The following SPAG16 variants were observed in gnomAD, a reference collection of about 807,000 sequenced individuals.
SPAG16 encodes the protein sperm associated antigen 16, also known as sperm-associated antigen 16 protein.
Under a neutral mutation model 80.4 loss-of-function variants are expected in SPAG16, and 86 were observed. The ratio of observed to expected loss-of-function variants is 1.07; its 90% CI spans 0.90 to 1.28. The LOEUF (loss-of-function observed/expected upper bound fraction) is 1.28, where lower values mean the gene tolerates loss of function less well. Ranked by LOEUF, SPAG16 falls within the 50% of genes most tolerant of loss-of-function variation. The probability of loss-of-function intolerance (pLI) is 0.00; values close to 1 mark genes in which losing one functional copy is unlikely to be tolerated. For synonymous variants in SPAG16, 294 were observed against 265.9 expected (o/e 1.11, Z -1.03); for missense variants, 870 against 765.3 (o/e 1.14, Z -1.61).
chr2:213,365,935 G>A (rs1447465856), intron 8 of SPAG16, among the ~76,000 whole-genome samples: 1 of 150,526 alleles, frequency 6.6e-6, no homozygotes, highest in Non-Finnish European at 1.5e-5. Flanking sequence ...GAGGTCAGGA[G>A]ATCGAGACCA....
At chr2:213,617,616 C>T (rs908675648) in intron 10 of SPAG16, among the ~76,000 whole-genome samples, 5 of 152,160 alleles carry the variant, frequency 3.3e-5, no homozygotes, top group Admixed American at 6.5e-5. Flanking sequence ...GCTGAGATTA[C>T]AGGCGTGAGC....
chr2:213,813,837 CA>C (rs750507525), intron 10 of SPAG16, among the ~76,000 whole-genome samples: 1 of 152,132 alleles, frequency 6.6e-6, no homozygotes, highest in Non-Finnish European at 1.5e-5. Flanking sequence ...GCACCCACAA[CA>C]CACACACATC....
At chr2:213,965,418 T>C (rs1305506988) in intron 12 of SPAG16, among the ~76,000 whole-genome samples, 1 of 152,214 alleles carries the variant, frequency 6.6e-6, no homozygotes, top group Non-Finnish European at 1.5e-5. Flanking sequence ...ACTCAGCTAT[T>C]AGACTCCATT....
intron 10 of SPAG16, among the ~76,000 whole-genome samples, chr2:213,658,241 T>C (rs1193329700): frequency 6.6e-6 from 1 of 152,084 alleles, no homozygotes; most frequent in Non-Finnish European, 1.5e-5. Flanking sequence ...GCTGGTGTGC[T>C]CCACTTTTTG....
intron 15 of SPAG16, among the ~76,000 whole-genome samples, chr2:214,250,757 T>TATATATAG (rs1475343777): frequency 9.9e-5 from 9 of 91,280 alleles, no homozygotes; most frequent in South Asian, 4.5e-4. Flanking sequence ...TATATATATA[T>TATATATAG]AGAGAGAGAG....
intron 13 of SPAG16, among the ~76,000 whole-genome samples, chr2:214,105,730 T>A (rs2053348735): frequency 6.6e-6 from 1 of 152,172 alleles, no homozygotes; most frequent in African/African-American, 2.4e-5. Flanking sequence ...AAGAAGAGAT[T>A]CCAAATTTTA....
intron 9 of SPAG16, among the ~76,000 whole-genome samples, chr2:213,477,463 A>G (rs542538366): frequency 2.0e-5 from 3 of 152,346 alleles, no homozygotes; most frequent in African/African-American, 7.2e-5. Context: ...AGCCAGAGGA[A>G]TGGAGCTGCC....
At chr2:213,300,023 A>AT (rs2062670676) in intron 3 of SPAG16, among the ~76,000 whole-genome samples, 2 of 152,136 alleles carry the variant, frequency 1.3e-5, no homozygotes, top group South Asian at 4.2e-4. Flanking sequence ...TATTTTTGCC[A>AT]TTTTTTTGGA....
chr2:213,627,345 A>T (rs191253993), intron 10 of SPAG16, among the ~76,000 whole-genome samples: 29 of 152,354 alleles, frequency 1.9e-4, no homozygotes, highest in African/African-American at 6.7e-4. Context: ...ATTGCTAAGA[A>T]TCTGAAATCT....
chr2:213,909,573 C>T (rs929023894), intron 11 of SPAG16, among the ~76,000 whole-genome samples: 3 of 151,882 alleles, frequency 2.0e-5, no homozygotes, highest in African/African-American at 7.3e-5. Context: ...AATAACGCCG[C>T]ATATCTACAA....
At chr2:213,477,061 C>T (rs981805627) in intron 9 of SPAG16, among the ~76,000 whole-genome samples, 1 of 151,908 alleles carries the variant, frequency 6.6e-6, no homozygotes, top group Non-Finnish European at 1.5e-5. Context: ...GCTGATTGGT[C>T]CATGGGTGGG....
At chr2:213,904,617 A>C (rs967577732) in intron 11 of SPAG16, among the ~76,000 whole-genome samples, 2 of 151,256 alleles carry the variant, frequency 1.3e-5, no homozygotes, top group African/African-American at 2.4e-5. Flanking sequence ...AAAAAAAAAA[A>C]AAAACAAAGT....
chr2:213,932,587 T>G (rs1000601307), intron 12 of SPAG16, among the ~76,000 whole-genome samples: 2 of 152,162 alleles, frequency 1.3e-5, no homozygotes, highest in African/African-American at 2.4e-5. Flanking sequence ...GAATACATTC[T>G]TCTCTTTTCA....
chr2:213,874,283 G>A lies in SPAG16; in HGVS notation c.1214+11655G>A, dbSNP rs181586403. Among the ~76,000 whole-genome samples, 362 of 152,126 alleles carry A rather than the reference G, an allele frequency of 2.4e-3. 1 individual carries two copies. The highest frequency in any genetic ancestry group is 7.8e-3 in the African/African-American group (325 of 41,492). On this transcript the variant is annotated intron_variant, in intron 11 of 15. Coordinates refer to ENST00000331683, the MANE Select transcript of SPAG16 (RefSeq NM_024532.5). ...CAATAATAAATCAACCTTAGCTTAC[G>A]TAACCTTTTACTTTATAAACTATTT...
intron 12 of SPAG16, among the ~76,000 whole-genome samples, chr2:213,952,628 G>A (rs1261424083): frequency 1.3e-5 from 2 of 152,032 alleles, no homozygotes; most frequent in African/African-American, 4.8e-5. Flanking sequence ...ATTAAAGATA[G>A]GCTCTGGAAT....
intron 10 of SPAG16, among the ~76,000 whole-genome samples, chr2:213,591,945 C>T (rs2060707564): frequency 6.6e-6 from 1 of 152,142 alleles, no homozygotes; most frequent in Non-Finnish European, 1.5e-5. Context: ...CAGAAATAAA[C>T]ATGGAAGCTC....
chr2:213,818,352 T>C (rs1014774048), intron 10 of SPAG16, among the ~76,000 whole-genome samples: 3 of 152,174 alleles, frequency 2.0e-5, no homozygotes, highest in African/African-American at 7.2e-5. Flanking sequence ...AGAGGAACTT[T>C]ATCTCAGGTC....
intron 9 of SPAG16, among the ~76,000 whole-genome samples, chr2:213,476,323 C>A (rs577150016): frequency 3.9e-5 from 6 of 152,344 alleles, no homozygotes; most frequent in African/African-American, 1.2e-4. Flanking sequence ...TGGCCTTGGC[C>A]AGATACCTTC....
At chr2:214,298,129 C>CAT (rs1432129243) in intron 15 of SPAG16, among the ~76,000 whole-genome samples, 4 of 65,638 alleles carry the variant, frequency 6.1e-5, no homozygotes, top group South Asian at 7.1e-4. Flanking sequence ...CACACACACA[C>CAT]ACACATACAC....
Sources: gnomAD v4.1 joint callset for allele counts (sites outside exome capture counted in the v4.1 genomes callset) on GRCh38, gnomAD v4.1.1 for gene constraint, MANE v1.5 for transcripts, NCBI Gene and HGNC (gene_info 2026-07-23, HGNC 2026-07-21) for gene names.